RBFOX1: variants seen among roughly 807,000 people sequenced by gnomAD.
RBFOX1 encodes RNA binding protein fox-1 homolog 1.
RBFOX1 carries 8 observed loss-of-function variants against 57.7 expected under a neutral mutation model. The observed-to-expected ratio is 0.14, with a 90% CI of 0.08 to 0.25. RBFOX1 has a LOEUF of 0.25. Among genes scored for constraint, RBFOX1 ranks in the 10% least tolerant of loss-of-function variants. The probability of loss-of-function intolerance (pLI) is 1.00; values close to 1 mark genes in which losing one functional copy is unlikely to be tolerated. For missense variants in RBFOX1, 611 were observed against 548.5 expected (o/e 1.11, Z -1.14); for synonymous variants, 326 against 222.4 (o/e 1.47, Z -4.15).
intron 1 of RBFOX1, among the ~76,000 whole-genome samples, chr16:5,367,833 T>G (rs1343419297): frequency 1.3e-5 from 2 of 152,194 alleles, no homozygotes; most frequent in Non-Finnish European, 2.9e-5. Context: ...CCTGGGTCTG[T>G]CTGTCTGTTT....
At chr16:6,592,702 G>A (rs944981995) in intron 2 of RBFOX1, among the ~76,000 whole-genome samples, 3 of 151,222 alleles carry the variant, frequency 2.0e-5, no homozygotes, top group Admixed American at 6.6e-5. Flanking sequence ...GAGAAATGTC[G>A]TGTGTGTGTG....
At chr16:7,129,692 A>G (rs929445110) in intron 4 of RBFOX1, among the ~76,000 whole-genome samples, 1 of 152,030 alleles carries the variant, frequency 6.6e-6, no homozygotes, top group African/African-American at 2.4e-5. Flanking sequence ...GAAATAGCAA[A>G]TTTCAAGTGC....
chr16:6,946,753 C>G (rs571333016), intron 3 of RBFOX1, among the ~76,000 whole-genome samples: 2 of 152,170 alleles, frequency 1.3e-5, no homozygotes, highest in African/African-American at 2.4e-5. Context: ...CAGACTCACT[C>G]CACTCTGCCC....
At chr16:5,500,442 G>A (rs907858286) in intron 2 of RBFOX1, among the ~76,000 whole-genome samples, 1 of 152,006 alleles carries the variant, frequency 6.6e-6, no homozygotes, top group African/African-American at 2.4e-5. Flanking sequence ...AGGCTGTCTT[G>A]AACTCCTGGA....
chr16:5,317,938 T>G (rs2064287813), intron 1 of RBFOX1, among the ~76,000 whole-genome samples: 1 of 152,202 alleles, frequency 6.6e-6, no homozygotes, highest in Admixed American at 6.5e-5. Context: ...TCATTTCCCC[T>G]GTTCCTAGTG....
intron 2 of RBFOX1, among the ~76,000 whole-genome samples, chr16:5,523,967 C>T (rs945944764): frequency 9.9e-5 from 15 of 152,136 alleles, no homozygotes; most frequent in Non-Finnish European, 1.6e-4. Flanking sequence ...TGCCTCCTCC[C>T]GGCCCAGGAC....
chr16:5,849,494 C>G (rs1261504447), intron 3 of RBFOX1, among the ~76,000 whole-genome samples: 1 of 152,108 alleles, frequency 6.6e-6, no homozygotes, highest in Non-Finnish European at 1.5e-5. Context: ...CATATCCTAG[C>G]TGGATACCCA....
At chr16:6,412,971 T>C (rs946959117) in intron 2 of RBFOX1, among the ~76,000 whole-genome samples, 2 of 152,314 alleles carry the variant, frequency 1.3e-5, no homozygotes, top group African/African-American at 4.8e-5. Flanking sequence ...TACTCTTGCC[T>C]CAGATACTTT....
At chr16:6,664,718 C>T (rs973581242) in intron 3 of RBFOX1, among the ~76,000 whole-genome samples, 1 of 152,206 alleles carries the variant, frequency 6.6e-6, no homozygotes, top group South Asian at 2.1e-4. Context: ...GGATGGAAGT[C>T]AGTTCTGGAG....
intron 4 of RBFOX1, among the ~76,000 whole-genome samples, chr16:7,076,701 C>T (rs1021023926): frequency 2.6e-5 from 4 of 152,138 alleles, no homozygotes; most frequent in African/African-American, 9.7e-5. Context: ...ATTCTAAATA[C>T]CACCTTCCCA....
intron 4 of RBFOX1, among the ~76,000 whole-genome samples, chr16:5,944,790 T>TAAAAAAAAGAAAAAAAAAAA (rs2059360860): frequency 2.4e-5 from 1 of 41,258 alleles, no homozygotes; most frequent in African/African-American, 1.0e-4. Context: ...CTGTCTCTGC[T>TAAAAAAAAGAAAAAAAAAAA]AAAAAAAAAA....
At chr16:6,029,087 C>A (rs1440734623) in intron 1 of RBFOX1, among the ~76,000 whole-genome samples, 1 of 152,162 alleles carries the variant, frequency 6.6e-6, no homozygotes, top group Non-Finnish European at 1.5e-5. Context: ...CTAGTCACTT[C>A]TTATTTTTTT....
intron 2 of RBFOX1, among the ~76,000 whole-genome samples, chr16:6,603,117 G>T (rs1164225517): frequency 6.6e-6 from 1 of 152,168 alleles, no homozygotes; most frequent in African/African-American, 2.4e-5. Context: ...CACCGTTGTG[G>T]TCTTAGCTGA....
intron 3 of RBFOX1, among the ~76,000 whole-genome samples, chr16:5,810,086 A>G (rs1340997054): frequency 6.6e-6 from 1 of 151,938 alleles, no homozygotes; most frequent in Non-Finnish European, 1.5e-5. Flanking sequence ...CAAAAAACCA[A>G]ACACCATATA....
chr16:7,408,875 G>C (rs546233651), intron 4 of RBFOX1, among the ~76,000 whole-genome samples: 5 of 146,870 alleles, frequency 3.4e-5, no homozygotes, highest in African/African-American at 5.3e-5. Context: ...ATATTCCCCA[G>C]ATAAGAACCA....
chr16:6,544,122 C>T (rs984701847), intron 2 of RBFOX1, among the ~76,000 whole-genome samples: 1 of 152,188 alleles, frequency 6.6e-6, no homozygotes, highest in East Asian at 1.9e-4. Context: ...TCTGTCTTTG[C>T]ATCCCCAGCA....
chr16:7,320,417 T>G (rs36095768), intron 4 of RBFOX1, among the ~76,000 whole-genome samples: 28,314 of 152,182 alleles, frequency 0.19, 4,253 homozygotes, highest in African/African-American at 0.42. Flanking sequence ...CTCATCCTTT[T>G]TTATGGCTGC....
chr16:6,827,259 A>G (rs939486542), intron 3 of RBFOX1, among the ~76,000 whole-genome samples: 3 of 152,064 alleles, frequency 2.0e-5, no homozygotes, highest in South Asian at 2.1e-4. Context: ...CTTCTCTTCA[A>G]TATGATCTGC....
At chr16:6,679,041 T>G (rs114736840) in intron 3 of RBFOX1, among the ~76,000 whole-genome samples, 4,181 of 152,216 alleles carry the variant, frequency 0.027, 194 homozygotes, top group African/African-American at 0.095. Context: ...GTTGCTATTA[T>G]ATCTCTAACA....
Sources: allele counts gnomAD v4.1 joint callset (sites outside exome capture counted in the v4.1 genomes callset), GRCh38; gene constraint gnomAD v4.1.1; transcripts MANE v1.5; gene names NCBI Gene and HGNC (gene_info 2026-07-23, HGNC 2026-07-21).